The following VSTM4 variants were observed in gnomAD, a reference collection of about 807,000 sequenced individuals.
VSTM4 encodes V-set and transmembrane domain-containing protein 4.
A neutral mutation model predicts 36.4 loss-of-function variants in VSTM4; 20 were observed. The observed-to-expected ratio is 0.55, with a 90% CI of 0.39 to 0.80. The LOEUF (loss-of-function observed/expected upper bound fraction) is 0.80. VSTM4 is among the 30% of genes least tolerant of loss of function. The probability of loss-of-function intolerance (pLI) is 0.00; values close to 1 mark genes in which losing one functional copy is unlikely to be tolerated. For missense variants in VSTM4, 392 were observed against 404.5 expected (o/e 0.97, Z 0.26); for synonymous variants, 182 against 173.9 (o/e 1.05, Z -0.37).
intron 4 of VSTM4, among the ~76,000 whole-genome samples, chr10:49,068,892 G>A (rs1844022147): frequency 6.6e-6 from 1 of 152,172 alleles, no homozygotes; most frequent in African/African-American, 2.4e-5. Context: ...CCTGCACAGA[G>A]GTGAACATTC....
At chr10:49,093,890 G>T (rs1844523672) in intron 2 of VSTM4, among the ~76,000 whole-genome samples, 1 of 151,826 alleles carries the variant, frequency 6.6e-6, no homozygotes, top group Non-Finnish European at 1.5e-5. Context: ...TGGGACCACA[G>T]GTGCCTGCCA....
intron 2 of VSTM4, among the ~76,000 whole-genome samples, chr10:49,092,201 C>T (rs4403731): frequency 0.45 from 68,646 of 152,098 alleles, 17,296 homozygotes; most frequent in African/African-American, 0.69. Context: ...CTTATTAAAA[C>T]GAAGACTCCC....
At chr10:49,037,863 C>T (rs529388115) in intron 7 of VSTM4, among the ~76,000 whole-genome samples, 2 of 151,660 alleles carry the variant, frequency 1.3e-5, no homozygotes, top group East Asian at 3.9e-4. Flanking sequence ...AGATGCTCAA[C>T]ATCACTCATT....
intron 2 of VSTM4, among the ~76,000 whole-genome samples, chr10:49,097,093 A>C (rs1844586708): frequency 6.6e-6 from 1 of 152,040 alleles, no homozygotes; most frequent in South Asian, 2.1e-4. Flanking sequence ...CAGGAAGTGC[A>C]CTCAGGCTAT....
At chr10:49,033,758 C>T (rs933296644) in intron 7 of VSTM4, among the ~76,000 whole-genome samples, 1 of 152,200 alleles carries the variant, frequency 6.6e-6, no homozygotes, top group African/African-American at 2.4e-5. Context: ...CCTCCTCTAA[C>T]TCATCTGTGA....
chr10:49,020,655 A>G (rs1051782450), intron 7 of VSTM4, among the ~76,000 whole-genome samples: 1 of 151,476 alleles, frequency 6.6e-6, no homozygotes, highest in African/African-American at 2.4e-5. Context: ...ATAAACATTA[A>G]CTCCAGGAAA....
chr10:49,094,190 C>T (rs1844530219), intron 2 of VSTM4, among the ~76,000 whole-genome samples: 1 of 152,168 alleles, frequency 6.6e-6, no homozygotes, highest in African/African-American at 2.4e-5. Context: ...AGCAACAGTC[C>T]TTCCCCTGGA....
chr10:49,022,535 C>T (rs1000997218), intron 7 of VSTM4, among the ~76,000 whole-genome samples: 2 of 152,124 alleles, frequency 1.3e-5, no homozygotes, highest in South Asian at 2.1e-4. Context: ...GACGAATTGT[C>T]TAGCAATTTT....
chr10:49,095,243 A>T (rs1335253278), intron 2 of VSTM4, among the ~76,000 whole-genome samples: 1 of 152,116 alleles, frequency 6.6e-6, no homozygotes, highest in Non-Finnish European at 1.5e-5. Context: ...CAAGTCCAGG[A>T]TAGGGCTATA....
intron 7 of VSTM4, among the ~76,000 whole-genome samples, chr10:49,025,789 C>T (rs752480413): frequency 6.6e-6 from 1 of 152,226 alleles, no homozygotes; most frequent in African/African-American, 2.4e-5. Flanking sequence ...CTCTGAACTG[C>T]ACCCGGGGCC....
chr10:49,088,638 G>C (rs1844416965), intron 2 of VSTM4, among the ~76,000 whole-genome samples: 1 of 152,240 alleles, frequency 6.6e-6, no homozygotes, highest in African/African-American at 2.4e-5. Context: ...GCCAAAGCTT[G>C]ATGGCACTCT....
At chr10:49,061,841 T>C (rs1843883390) in intron 5 of VSTM4, among the ~76,000 whole-genome samples, 1 of 152,204 alleles carries the variant, frequency 6.6e-6, no homozygotes, top group African/African-American at 2.4e-5. Context: ...GTCTCTGAAA[T>C]TTGATTGATG....
At chr10:49,113,479 T>C (rs1442062771) in intron 1 of VSTM4, among the ~76,000 whole-genome samples, 2 of 152,226 alleles carry the variant, frequency 1.3e-5, no homozygotes, top group Non-Finnish European at 2.9e-5. Context: ...ATACTCTGTT[T>C]ATTCCCATTT....
At chr10:49,085,928 T>G in intron 3 of VSTM4, 27 bp downstream of exon 3, 1 of 1,438,134 alleles carries the variant, frequency 7.0e-7, no homozygotes, top group South Asian at 1.3e-5. Flanking sequence ...TATAGAGCAA[T>G]AAAAAAAAGA....
At chr10:49,029,762 C>G (rs1319143422) in intron 7 of VSTM4, among the ~76,000 whole-genome samples, 1 of 152,240 alleles carries the variant, frequency 6.6e-6, no homozygotes, top group African/African-American at 2.4e-5. Flanking sequence ...GCAGTATGAG[C>G]TCCAACTAAA....
intron 4 of VSTM4, among the ~76,000 whole-genome samples, chr10:49,068,325 C>T (rs531306385): frequency 3.5e-4 from 53 of 152,050 alleles, no homozygotes; most frequent in African/African-American, 1.2e-3. Context: ...GTCCAGTGCT[C>T]GAGGTAGCAA....
At chr10:49,092,365 T>C (rs933957954) in intron 2 of VSTM4, among the ~76,000 whole-genome samples, 7 of 152,088 alleles carry the variant, frequency 4.6e-5, no homozygotes, top group African/African-American at 1.7e-4. Flanking sequence ...CAAGGAGATG[T>C]GGGAGAGGAG....
Position 49,048,554 on chromosome 10 carries a change from G to A in VSTM4, c.699C>T (p.Ser233=), listed in dbSNP as rs375437873. The change falls in exon 6 of 8, where the codon AGC becomes AGT. Residue 233 remains serine (S), a synonymous_variant. Coordinates refer to ENST00000332853, the MANE Select transcript of VSTM4 (RefSeq NM_001031746.5). ...SSGETVTSVT[S]LAPLQPKKGK... ...CCTTCTTGGGCTGTAGTGGGGCCAA[G>A]CTGGTCACGCTAGTGACAGTCTCCC... The A allele has an allele frequency of 6.3e-7, 1 of 1,595,612 alleles. No individual in the cohort carries two copies. Among genetic ancestry groups the A allele is most frequent in the African/African-American group, 1.4e-5 (1 of 73,682 alleles).
chr10:49,051,156 C>T (rs549422179), intron 5 of VSTM4, among the ~76,000 whole-genome samples: 176 of 152,160 alleles, frequency 1.2e-3, no homozygotes, highest in Non-Finnish European at 2.3e-3. Flanking sequence ...AGCATCATAG[C>T]ATCATACAGA....
Sources: gnomAD v4.1 joint callset for allele counts (sites outside exome capture counted in the v4.1 genomes callset) on GRCh38, gnomAD v4.1.1 for gene constraint, MANE v1.5 for transcripts, NCBI Gene and HGNC (gene_info 2026-07-23, HGNC 2026-07-21) for gene names.